The following TRAPPC9 variants were observed in gnomAD, a reference collection of about 807,000 sequenced individuals.
TRAPPC9 encodes the protein trafficking protein particle complex subunit 9.
A neutral mutation model predicts 124.0 loss-of-function variants in TRAPPC9; 83 were observed. The observed-to-expected ratio is 0.67, with a 90% CI of 0.56 to 0.80. The LOEUF (loss-of-function observed/expected upper bound fraction) is 0.80, where lower values mean the gene tolerates loss of function less well. TRAPPC9 is among the 30% of genes least tolerant of loss of function. The pLI is 0.00. For synonymous variants in TRAPPC9, 638 were observed against 617.5 expected (o/e 1.03, Z -0.49); for missense variants, 1,302 against 1,508.3 (o/e 0.86, Z 2.27).
intron 17 of TRAPPC9, among the ~76,000 whole-genome samples, chr8:140,058,177 A>G (rs1422394577): frequency 6.6e-6 from 1 of 152,164 alleles, no homozygotes; most frequent in African/African-American, 2.4e-5. Context: ...GCAATGGTGG[A>G]ACATTAATTT....
rs201180528 is a variant in TRAPPC9 at position 139,904,908 on chromosome 8, G to A, written c.2964+5239C>T. The A allele has an allele frequency of 3.3e-5, 5 of 152,188 alleles. No individual in the cohort carries two copies. The East Asian group carries it at 9.7e-4, about 29-fold the overall frequency. 9.4% of individuals were successfully genotyped at this position (152,188 alleles called of 1,614,324 possible). On this transcript the variant is annotated intron_variant, in intron 20 of 22. Transcript: ENST00000438773. ...AGTCCTCAACAATGTGGCGTCATTAGTCCTATCCCAAAGGCAAATATAGAA... is the reference window on the plus strand; with the variant it reads ...AGTCCTCAACAATGTGGCGTCATTAATCCTATCCCAAAGGCAAATATAGAA...
chr8:140,144,256 A>G (rs188133806), intron 17 of TRAPPC9, among the ~76,000 whole-genome samples: 8 of 152,334 alleles, frequency 5.3e-5, no homozygotes. Context: ...GTTATGTGCA[A>G]TTCATCAATA....
intron 17 of TRAPPC9, among the ~76,000 whole-genome samples, chr8:140,186,624 A>G (rs755413446): frequency 5.3e-5 from 8 of 152,234 alleles, no homozygotes; most frequent in Non-Finnish European, 1.2e-4. Flanking sequence ...TTGTAATATA[A>G]GCAATACAAT....
chr8:140,246,751 G>A (rs567911878), intron 16 of TRAPPC9, among the ~76,000 whole-genome samples: 21 of 152,258 alleles, frequency 1.4e-4, no homozygotes, highest in African/African-American at 2.4e-4. Context: ...TTGGGAGGCC[G>A]AGGCGGGCGG....
chr8:139,760,011 C>T (rs948847184), intron 21 of TRAPPC9, among the ~76,000 whole-genome samples: 1 of 152,242 alleles, frequency 6.6e-6, no homozygotes, highest in Non-Finnish European at 1.5e-5. Context: ...AGCACACGCC[C>T]GTCATGTCTG....
chr8:140,044,287 AAG>A lies in TRAPPC9; in HGVS notation c.2557-20210_2557-20209del, dbSNP rs1443421674. On this transcript the variant is annotated intron_variant, in intron 17 of 22. Coordinates refer to ENST00000438773, the MANE Select transcript of TRAPPC9 (RefSeq NM_001160372.4). ...ACAACAACGACCAAAAAAAAAAAAA[AAG>A]AAAAATCACAGTGGGCTAGGATATG... 1.6e-4 allele frequency among the ~76,000 whole-genome samples: 24 copies of A among 150,200 alleles called. 1 individual carries two copies. The highest frequency in any genetic ancestry group is 2.5e-4 in the African/African-American group (10 of 40,676).
At chr8:139,846,389 A>G (rs1827086977) in intron 21 of TRAPPC9, among the ~76,000 whole-genome samples, 1 of 152,242 alleles carries the variant, frequency 6.6e-6, no homozygotes, top group African/African-American at 2.4e-5. Flanking sequence ...TCCATGGCCC[A>G]CGACCAGGCC....
intron 9 of TRAPPC9, among the ~76,000 whole-genome samples, chr8:140,335,282 C>T (rs964410380): frequency 6.6e-6 from 1 of 152,136 alleles, no homozygotes; most frequent in African/African-American, 2.4e-5. Context: ...GAGTCTACTG[C>T]ACTATTCCAA....
At chr8:139,981,894 C>A (rs1283834389) in intron 19 of TRAPPC9, among the ~76,000 whole-genome samples, 1 of 152,248 alleles carries the variant, frequency 6.6e-6, no homozygotes, top group Non-Finnish European at 1.5e-5. Context: ...CGGTCCATCT[C>A]CCCAGCAGCC....
At chr8:140,124,827 G>A (rs1440912852) in intron 17 of TRAPPC9, among the ~76,000 whole-genome samples, 1 of 152,262 alleles carries the variant, frequency 6.6e-6, no homozygotes, top group East Asian at 1.9e-4. Flanking sequence ...ATCTGCCATA[G>A]TAGGGGTGAT....
At chr8:139,997,627 CACACAGGGGAAACAATGCATCCT>C (rs1838104702) in intron 18 of TRAPPC9, among the ~76,000 whole-genome samples, 1 of 120,590 alleles carries the variant, frequency 8.3e-6, no homozygotes, top group Admixed American at 8.2e-5. Flanking sequence ...CAATGCATCC[CACACAGGGGAAACAATGCATCCT>C]ACACAGGGAG....
chr8:140,427,047 T>TC (rs2070449211), intron 4 of TRAPPC9, among the ~76,000 whole-genome samples: 1 of 151,196 alleles, frequency 6.6e-6, no homozygotes, highest in Admixed American at 6.6e-5. Flanking sequence ...TGCCTCAGCC[T>TC]CCCAAGTAGC....
At chr8:139,745,905 G>A (rs1437108632) in intron 21 of TRAPPC9, among the ~76,000 whole-genome samples, 4 of 152,346 alleles carry the variant, frequency 2.6e-5, no homozygotes, top group African/African-American at 7.2e-5. Flanking sequence ...TGGCGAGCAC[G>A]CTGGCACTGC....
At chr8:140,325,635 A>G (rs117552630) in intron 9 of TRAPPC9, among the ~76,000 whole-genome samples, 4,936 of 152,322 alleles carry the variant, frequency 0.032, 119 homozygotes, top group South Asian at 0.047. Context: ...AACTCCCACA[A>G]AAATTTCCAT....
chr8:140,163,259 C>T (rs966062282), intron 17 of TRAPPC9, among the ~76,000 whole-genome samples: 5 of 152,140 alleles, frequency 3.3e-5, no homozygotes, highest in East Asian at 1.9e-4. Context: ...GTCTGCCTCA[C>T]GGTGACTTTC....
intron 21 of TRAPPC9, among the ~76,000 whole-genome samples, chr8:139,832,837 G>A (rs1487257779): frequency 6.6e-6 from 1 of 152,172 alleles, no homozygotes; most frequent in African/African-American, 2.4e-5. Flanking sequence ...CTCCCCATGA[G>A]GGTGTGGGAA....
Position 140,205,045 on chromosome 8 carries a change from A to G in TRAPPC9, c.2556+16414T>C, listed in dbSNP as rs60578306. 4.7e-3 allele frequency among the ~76,000 whole-genome samples: 711 copies of G among 152,352 alleles called. 5 individuals are homozygous for G. Among genetic ancestry groups the G allele is most frequent in the African/African-American group, 0.016 (669 of 41,588 alleles). ...CGGAGATGTCAGTTTAAAAACAGAG[A>G]AAAGGAAAGAAAAAGAAGGAAGAAA... On this transcript the variant is annotated intron_variant, in intron 17 of 22. Transcript: ENST00000438773.
At chr8:140,206,774 T>TATATATATATATATATATATATA (rs1294158701) in intron 17 of TRAPPC9, among the ~76,000 whole-genome samples, 2 of 151,724 alleles carry the variant, frequency 1.3e-5, no homozygotes, top group African/African-American at 4.9e-5. Context: ...TATATATATA[T>TATATATATATATATATATATATA]TTAAAAAGCC....
At chr8:140,405,850 A>AT in intron 5 of TRAPPC9, 152 bp from the exon 6 acceptor site, 3 of 852,960 alleles carry the variant, frequency 3.5e-6, no homozygotes, top group Non-Finnish European at 5.5e-6. Flanking sequence ...TATGCTTCCT[A>AT]TAATAGCCTT....
Sources: gnomAD v4.1 joint callset for allele counts (sites outside exome capture counted in the v4.1 genomes callset) on GRCh38, gnomAD v4.1.1 for gene constraint, MANE v1.5 for transcripts, NCBI Gene and HGNC (gene_info 2026-07-23, HGNC 2026-07-21) for gene names.